The following UNC5C variants were observed in gnomAD, a reference collection of about 807,000 sequenced individuals.
UNC5C encodes netrin receptor UNC5C.
UNC5C carries 47 observed loss-of-function variants against 99.8 expected under a neutral mutation model. The ratio of observed to expected loss-of-function variants is 0.47; its 90% CI spans 0.37 to 0.60. UNC5C has a LOEUF of 0.60. Ranked by LOEUF, UNC5C falls within the 20% of genes least tolerant of loss-of-function variation. The probability of loss-of-function intolerance (pLI) is 0.00; values close to 1 mark genes in which losing one functional copy is unlikely to be tolerated. For missense variants in UNC5C, 1,062 were observed against 1,165.9 expected (o/e 0.91, Z 1.30); for synonymous variants, 487 against 452.2 (o/e 1.08, Z -0.98).
intron 1 of UNC5C, among the ~76,000 whole-genome samples, chr4:95,467,395 T>A (rs1234896074): frequency 6.6e-6 from 1 of 151,908 alleles, no homozygotes; most frequent in African/African-American, 2.4e-5. Flanking sequence ...CATATAAAGA[T>A]CAACCCACAG....
chr4:95,459,841 T>C (rs1245006390), intron 1 of UNC5C, among the ~76,000 whole-genome samples: 1 of 152,182 alleles, frequency 6.6e-6, no homozygotes, highest in East Asian at 1.9e-4. Flanking sequence ...ATCATTACCA[T>C]AAGTTTGAAA....
At chr4:95,331,542 T>A (rs1403175239) in intron 2 of UNC5C, among the ~76,000 whole-genome samples, 2 of 152,098 alleles carry the variant, frequency 1.3e-5, no homozygotes, top group Non-Finnish European at 2.9e-5. Flanking sequence ...AAGCTCCTAA[T>A]AAAGCTATGT....
At chr4:95,255,211 C>G (rs1327804941) in intron 4 of UNC5C, among the ~76,000 whole-genome samples, 2 of 151,950 alleles carry the variant, frequency 1.3e-5, no homozygotes, top group Non-Finnish European at 2.9e-5. Flanking sequence ...AACTCCTGAC[C>G]TCAAGTGATC....
At chr4:95,427,555 A>C (rs1746518750) in intron 1 of UNC5C, among the ~76,000 whole-genome samples, 1 of 152,188 alleles carries the variant, frequency 6.6e-6, no homozygotes, top group African/African-American at 2.4e-5. Flanking sequence ...CATCAAGGCA[A>C]GACCCTCAAC....
Position 95,335,625 on chromosome 4 carries a change from T to A in UNC5C, c.131A>T (p.Asp44Val). The change falls in exon 2 of 16, where the codon GAC becomes GTC. Residue 44 changes from aspartate (D) to valine (V), a missense_variant. Asp to Val is a radical substitution (Grantham distance 152). Coordinates refer to ENST00000453304, the MANE Select transcript of UNC5C (RefSeq NM_003728.4). ...AGTTTCTGGGAGTTCATGAAAAAAG[T>A]CATCATCTGAGAAAGAAGAAGAAAG... ...SGTGSAAQDD[D>V]FFHELPETFP... The A allele has an allele frequency of 6.2e-7, 1 of 1,605,446 alleles. No individual in the cohort carries two copies. Among genetic ancestry groups the A allele is most frequent in the Non-Finnish European group, 8.5e-7 (1 of 1,176,590 alleles).
At chr4:95,520,756 G>A (rs998890824) in intron 1 of UNC5C, among the ~76,000 whole-genome samples, 5 of 151,724 alleles carry the variant, frequency 3.3e-5, no homozygotes, top group East Asian at 1.9e-4. Context: ...CGGCCACCAC[G>A]CCCAGCTAAT....
At chr4:95,370,971 C>T (rs1197098139) in intron 1 of UNC5C, among the ~76,000 whole-genome samples, 1 of 152,114 alleles carries the variant, frequency 6.6e-6, no homozygotes, top group Non-Finnish European at 1.5e-5. Flanking sequence ...CTAGTGATCA[C>T]AATACATAGC....
At chr4:95,354,017 CTAGA>C (rs1744080614) in intron 1 of UNC5C, among the ~76,000 whole-genome samples, 1 of 152,080 alleles carries the variant, frequency 6.6e-6, no homozygotes, top group South Asian at 2.1e-4. Context: ...TTGCCCCAAG[CTAGA>C]AATCTAAGAA....
intron 1 of UNC5C, among the ~76,000 whole-genome samples, chr4:95,503,133 G>A (rs921303738): frequency 6.6e-6 from 1 of 152,054 alleles, no homozygotes; most frequent in South Asian, 2.1e-4. Context: ...CTTTTAAGAG[G>A]TGATTAGATC....
chr4:95,419,036 A>AT (rs1323485581), intron 1 of UNC5C, among the ~76,000 whole-genome samples: 4 of 152,250 alleles, frequency 2.6e-5, no homozygotes, highest in East Asian at 1.9e-4. Context: ...AGCATCTCTT[A>AT]TTTTTTCCCA....
At position 95,167,201 on chromosome 4, in the gene UNC5C, A is replaced by G. The variant is rs1343726136; in HGVS notation, c.*2033T>C. The G allele has an allele frequency of 2.0e-5, 3 of 152,160 alleles. No homozygotes were observed. Among genetic ancestry groups the G allele is most frequent in the African/African-American group, 4.8e-5 (2 of 41,410 alleles). The allele number at this position is 152,160 out of a possible 1,614,324, so 9.4% of individuals were successfully genotyped here. A position where few individuals can be genotyped will look rare whatever the true frequency, so the allele number is the denominator to read the frequency against. On this transcript the variant is annotated 3_prime_UTR_variant, in exon 16 of 16. Coordinates refer to ENST00000453304, the MANE Select transcript of UNC5C (RefSeq NM_003728.4). ...AGCAACTTGTGTGCCTCCAGCCTAA[A>G]AGTAAACCACAGTCATGTTCTAAAG... is the stretch of plus-strand genomic sequence containing the variant.
At chr4:95,478,731 G>T (rs1024726857) in intron 1 of UNC5C, among the ~76,000 whole-genome samples, 2 of 151,950 alleles carry the variant, frequency 1.3e-5, no homozygotes, top group Non-Finnish European at 1.5e-5. Flanking sequence ...TAGTTTATTT[G>T]AACACTGATA....
At chr4:95,456,692 G>A (rs1747435924) in intron 1 of UNC5C, among the ~76,000 whole-genome samples, 1 of 152,096 alleles carries the variant, frequency 6.6e-6, no homozygotes, top group Non-Finnish European at 1.5e-5. Context: ...TGAAGAAGGT[G>A]AAGTTATGTA....
intron 1 of UNC5C, among the ~76,000 whole-genome samples, chr4:95,371,015 T>C (rs1744732123): frequency 6.6e-6 from 1 of 152,192 alleles, no homozygotes; most frequent in African/African-American, 2.4e-5. Context: ...TTTTTAGGTT[T>C]ATTTATCTAT....
At chr4:95,217,634 C>G (rs1351790322) in intron 9 of UNC5C, among the ~76,000 whole-genome samples, 1 of 152,136 alleles carries the variant, frequency 6.6e-6, no homozygotes, top group Admixed American at 6.5e-5. Context: ...AACATGCTAG[C>G]TCACTCCCTT....
intron 3 of UNC5C, 94 bp from the exon 4 acceptor site, chr4:95,278,456 C>A: frequency 4.4e-6 from 4 of 912,034 alleles, no homozygotes; most frequent in Admixed American, 2.4e-5. Context: ...AGTATTTTAT[C>A]TGTGCTTTTT....
chr4:95,468,137 T>G (rs1019533465), intron 1 of UNC5C, among the ~76,000 whole-genome samples: 4 of 151,550 alleles, frequency 2.6e-5, no homozygotes, highest in Non-Finnish European at 5.9e-5. Context: ...GGTTTTTTTT[T>G]TTTTTGTTTT....
At chr4:95,172,635 T>A (rs1405106321) in intron 14 of UNC5C, among the ~76,000 whole-genome samples, 3 of 151,904 alleles carry the variant, frequency 2.0e-5, no homozygotes, top group African/African-American at 4.8e-5. Flanking sequence ...CTGTTTTGGT[T>A]ACTGTAGCCT....
intron 10 of UNC5C, among the ~76,000 whole-genome samples, chr4:95,211,332 A>G (rs1407393976): frequency 6.6e-6 from 1 of 152,240 alleles, no homozygotes; most frequent in East Asian, 1.9e-4. Flanking sequence ...TCAATTGTGC[A>G]AAAATAATAT....
Sources: gnomAD v4.1 joint callset for allele counts (sites outside exome capture counted in the v4.1 genomes callset) on GRCh38, gnomAD v4.1.1 for gene constraint, MANE v1.5 for transcripts, NCBI Gene and HGNC (gene_info 2026-07-23, HGNC 2026-07-21) for gene names.